The following ICE2 variants were observed in gnomAD, a reference collection of about 807,000 sequenced individuals.
ICE2 encodes the protein interactor of little elongation complex ELL subunit 2, also known as little elongation complex subunit 2.
Under a neutral mutation model 105.4 loss-of-function variants are expected in ICE2, and 87 were observed. The ratio of observed to expected loss-of-function variants is 0.83; its 90% confidence interval spans 0.69 to 0.99. The LOEUF (loss-of-function observed/expected upper bound fraction) is 0.99, where lower values mean the gene tolerates loss of function less well. Among genes scored for constraint, ICE2 ranks in the 50% least tolerant of loss-of-function variants. The probability of loss-of-function intolerance (pLI) is 0.00; values close to 1 mark genes in which losing one functional copy is unlikely to be tolerated. For synonymous variants in ICE2, 399 were observed against 392.0 expected (o/e 1.02, Z -0.21); for missense variants, 1,323 against 1,146.7 (o/e 1.15, Z -2.22).
intron 15 of ICE2, among the ~76,000 whole-genome samples, chr15:60,427,741 A>G (rs927221637): frequency 6.6e-6 from 1 of 152,208 alleles, no homozygotes; most frequent in Non-Finnish European, 1.5e-5. Context: ...TCTAACAACT[A>G]AACTCGAACT....
intron 5 of ICE2, among the ~76,000 whole-genome samples, chr15:60,457,473 T>C (rs2064157780): frequency 6.6e-6 from 1 of 152,168 alleles, no homozygotes; most frequent in Non-Finnish European, 1.5e-5. Flanking sequence ...ATACATATTT[T>C]TTCTTCTTCT....
intron 15 of ICE2, among the ~76,000 whole-genome samples, chr15:60,424,089 GT>G (rs1566963867): frequency 6.6e-6 from 1 of 152,108 alleles, no homozygotes; most frequent in African/African-American, 2.4e-5. Context: ...TGTGTGATGT[GT>G]TTGAAATAAT....
At chr15:60,455,487 AT>A in intron 6 of ICE2, 45 bp from the exon 7 acceptor site, 1 of 1,264,536 alleles carries the variant, frequency 7.9e-7, no homozygotes. Context: ...ATCGCAATGT[AT>A]TTTTTCTAAG....
At chr15:60,429,622 A>G (rs553470654) in intron 14 of ICE2, among the ~76,000 whole-genome samples, 67 of 152,330 alleles carry the variant, frequency 4.4e-4, no homozygotes, top group Admixed American at 1.4e-3. Flanking sequence ...TCTTTACAAT[A>G]TATTATGAAA....
rs1392480872 is a variant in ICE2, at chr15:60,466,689, C to T, written c.433G>A (p.Glu145Lys). The T allele has an allele frequency of 1.2e-6, 2 of 1,607,252 alleles. No individual in the cohort carries two copies. Among genetic ancestry groups the T allele is most frequent in the African/African-American group, 1.3e-5 (1 of 74,788 alleles). Residue 145 changes from glutamate (E) to lysine (K), a missense_variant, in exon 5 of 16, where the codon GAA (glutamate) becomes AAA (lysine). Transcript: ENST00000261520. ...YLDMKKHVNEEVTEFLKFLQN... is the reference protein window; with the variant it reads ...YLDMKKHVNEKVTEFLKFLQN... ...AAAAACTTTAGGAACTCAGTAACTT[C>T]TTCGTTCACATGTTTTTTCATATCC...
intron 9 of ICE2, 46 bp from the exon 10 acceptor site, chr15:60,449,887 C>T (rs756713347): frequency 3.6e-6 from 5 of 1,383,884 alleles, no homozygotes; most frequent in Non-Finnish European, 5.0e-6. Flanking sequence ...TTTCAAGCCA[C>T]CCTACCTATC....
chr15:60,453,885 C>G, intron 8 of ICE2, 101 bp from the exon 9 acceptor site: 1 of 890,684 alleles, frequency 1.1e-6, no homozygotes, highest in Non-Finnish European at 1.7e-6. Context: ...CAAAGAGACA[C>G]AGGAGAATGG....
In ICE2 at chr15:60,422,593, T is replaced by A. The variant is rs1009084076; in HGVS notation, c.*1041A>T. The A allele has an allele frequency of 6.6e-6, 1 of 152,204 alleles. No individual in the cohort carries two copies. The highest frequency in any genetic ancestry group is 1.5e-5 in the Non-Finnish European group (1 of 68,176). The allele number at this position is 152,204 out of a possible 1,614,324, so 9.4% of individuals were successfully genotyped here. A position where few individuals can be genotyped will look rare whatever the true frequency, so the allele number is the denominator to read the frequency against. The stretch of plus-strand genomic sequence containing the variant: ...GGCTTACCCCTGTAATCCCAGCACT[T>A]TGGGAGGCCAAGGCAGGCGGATCAC... On this transcript the variant is annotated 3_prime_UTR_variant, in exon 16 of 16. Transcript: ENST00000261520.
chr15:60,423,738 G>T lies in ICE2; in HGVS notation c.2845C>A (p.Arg949Ser). ...QKIGGTRMPT[R>S]SHRNPVSMET... ...ATGGAAACTGGATTCCTGTGGCTGC[G>T]TGTAGGCATTCTCGTTCCACCAATC... Residue 949 changes from arginine (R) to serine (S), a missense_variant, in exon 16 of 16, where the codon CGC becomes AGC. Arg to Ser is a moderately radical substitution (Grantham distance 110). Coordinates refer to ENST00000261520, the MANE Select transcript of ICE2 (RefSeq NM_024611.6). The T allele has an allele frequency of 1.9e-6, 3 of 1,597,842 alleles. No individual in the cohort carries two copies. The highest frequency in any genetic ancestry group is 2.3e-5 in the South Asian group (2 of 88,038).
intron 12 of ICE2, chr15:60,439,248 T>A (rs549032005): frequency 5.9e-5 from 9 of 152,332 alleles, no homozygotes; most frequent in African/African-American, 1.9e-4. Flanking sequence ...AAAAGAACAG[T>A]AAAATATTTT....
chr15:60,426,562 T>C (rs1304671957), intron 15 of ICE2, among the ~76,000 whole-genome samples: 4 of 152,220 alleles, frequency 2.6e-5, no homozygotes, highest in African/African-American at 9.7e-5. Flanking sequence ...AAGCACATTC[T>C]AGACATTATT....
In ICE2 at chr15:60,428,437, G is replaced by T; in HGVS notation, c.2812C>A (p.Gln938Lys). 1 of 1,612,748 alleles carries T rather than the reference G, an allele frequency of 6.2e-7. No individual in the cohort carries two copies. The highest frequency in any genetic ancestry group is 8.5e-7 in the Non-Finnish European group (1 of 1,178,964). The change falls in exon 15 of 16, where the codon CAA becomes AAA. Residue 938 changes from glutamine to lysine, a missense_variant. Gln to Lys is a moderately conservative substitution (Grantham distance 53, BLOSUM62 1). Coordinates refer to ENST00000261520, the MANE Select transcript of ICE2 (RefSeq NM_024611.6). Reference protein sequence around the residue: ...FPPKSLDTTTQQKIGGTRMPT... With the variant: ...FPPKSLDTTTKQKIGGTRMPT... The stretch of plus-strand genomic sequence containing the variant: ...TTCAAAAAAGATCTTACCTTTTGTT[G>T]TGTTGTGGTATCCAGTGATTTCGGT...
chr15:60,477,080 C>G (rs2064782552), intron 2 of ICE2, among the ~76,000 whole-genome samples: 1 of 152,198 alleles, frequency 6.6e-6, no homozygotes, highest in African/African-American at 2.4e-5. Context: ...TACTCTTCTC[C>G]TTTTTAAACT....
rs1334085276 is a variant in ICE2 at position 60,431,918 on chromosome 15, C to T, written c.2561+16G>A. The T allele has an allele frequency of 2.3e-6, 3 of 1,293,674 alleles. No individual in the cohort carries two copies. Among genetic ancestry groups the T allele is most frequent in the Non-Finnish European group, 2.2e-6 (2 of 912,962 alleles). 80.1% of individuals were successfully genotyped at this position (1,293,674 alleles called of 1,614,324 possible). ...AAATCAGATGTATCAAAGCAAAATG[C>T]CTAAAAAATACTTACCTACTTAGTT... On this transcript the variant is annotated intron_variant, in intron 14 of 15. Coordinates refer to ENST00000261520, the MANE Select transcript of ICE2 (RefSeq NM_024611.6).
intron 11 of ICE2, among the ~76,000 whole-genome samples, chr15:60,443,262 T>G (rs756829605): frequency 6.6e-6 from 1 of 152,216 alleles, no homozygotes; most frequent in Non-Finnish European, 1.5e-5. Context: ...CAAAGAAAAC[T>G]CTACTCTTAA....
intron 12 of ICE2, chr15:60,442,040 A>G (rs536460790): frequency 6.2e-6 from 1 of 162,028 alleles, no homozygotes; most frequent in South Asian, 1.8e-4. Flanking sequence ...CATCCCTGTA[A>G]TACCAGAGCT....
Position 60,419,818 on chromosome 15 carries a change from C to T in ICE2, c.*3816G>A, listed in dbSNP as rs1171839837. On this transcript the variant is annotated 3_prime_UTR_variant, in exon 16 of 16. Transcript: ENST00000261520. ...CATTAGGAACTACAGATGCAGTATG[C>T]TAATGAAAAGTTAAAGTTTTCTTTC... The T allele has an allele frequency of 6.6e-6, 1 of 152,216 alleles. No homozygotes were observed. The highest frequency in any genetic ancestry group is 1.5e-5 in the Non-Finnish European group (1 of 68,046). 9.4% of individuals were successfully genotyped at this position (152,216 alleles called of 1,614,324 possible).
chr15:60,429,909 T>C (rs1320295401), intron 14 of ICE2, among the ~76,000 whole-genome samples: 1 of 152,188 alleles, frequency 6.6e-6, no homozygotes, highest in Non-Finnish European at 1.5e-5. Context: ...CAGAAGAATA[T>C]ATTAATATTT....
At chr15:60,427,708 C>T (rs541019137) in intron 15 of ICE2, among the ~76,000 whole-genome samples, 2 of 152,146 alleles carry the variant, frequency 1.3e-5, no homozygotes, top group African/African-American at 2.4e-5. Flanking sequence ...TGAGCCACTG[C>T]GCCCAGCCCA....
Sources: gnomAD v4.1 joint callset for allele counts (sites outside exome capture counted in the v4.1 genomes callset) on GRCh38, gnomAD v4.1.1 for gene constraint, MANE v1.5 for transcripts, NCBI Gene and HGNC (gene_info 2026-07-23, HGNC 2026-07-21) for gene names.